Variants in BTBD8 observed in about 807,000 individuals in gnomAD.
The protein encoded by BTBD8 is BTB domain containing 8.
Under a neutral mutation model 162.9 loss-of-function variants are expected in BTBD8, and 110 were observed. The observed-to-expected ratio is 0.68, with a 90% CI of 0.58 to 0.79. BTBD8 has a LOEUF of 0.79. BTBD8 is among the 30% of genes least tolerant of loss of function. The pLI, the probability that BTBD8 is intolerant of heterozygous loss-of-function variation, is 0.00. For missense variants in BTBD8, 1,905 were observed against 2,085.4 expected, an observed-to-expected ratio of 0.91 and a Z score of 1.68; for synonymous variants, 667 against 716.1, an observed-to-expected ratio of 0.93 and a Z score of 1.10.
chr1:92,121,945 A>G (rs756461641), intron 4 of BTBD8, among the ~76,000 whole-genome samples: 11 of 151,972 alleles, frequency 7.2e-5, no homozygotes, highest in Admixed American at 7.2e-4. Flanking sequence ...AGTTGGGACT[A>G]CAGGCACACA....
intron 4 of BTBD8, among the ~76,000 whole-genome samples, chr1:92,117,086 GGA>G (rs1359305809): frequency 2.0e-5 from 3 of 151,736 alleles, no homozygotes; most frequent in African/African-American, 4.9e-5. Context: ...CTGGCAGAAG[GGA>G]ATCCTTCTGC....
At chr1:92,169,849 C>T (rs959653396) in intron 12 of BTBD8, among the ~76,000 whole-genome samples, 1 of 152,108 alleles carries the variant, frequency 6.6e-6, no homozygotes, top group South Asian at 2.1e-4. Context: ...ATAAGCATTA[C>T]ATGATAGTGT....
At chr1:92,084,370 G>A (rs1031008945) in intron 1 of BTBD8, among the ~76,000 whole-genome samples, 8 of 152,152 alleles carry the variant, frequency 5.3e-5, no homozygotes, top group Non-Finnish European at 1.0e-4. Context: ...ATGTACCTGC[G>A]TGTGTTGCGA....
At chr1:92,123,386 A>T (rs1237482503) in intron 4 of BTBD8, among the ~76,000 whole-genome samples, 2 of 152,224 alleles carry the variant, frequency 1.3e-5, no homozygotes, top group Admixed American at 1.3e-4. Context: ...GCTACTAAAA[A>T]TGCTTGATTG....
intron 7 of BTBD8, among the ~76,000 whole-genome samples, chr1:92,145,034 A>T (rs1408992002): frequency 6.6e-6 from 1 of 152,088 alleles, no homozygotes; most frequent in Non-Finnish European, 1.5e-5. Context: ...ATCTCAGCTC[A>T]CTGCAACCTC....
rs780343926 is a variant in BTBD8, at chr1:92,108,013, C to T, written c.662+12C>T. On this transcript the variant is annotated intron_variant, in intron 4 of 17. Coordinates refer to ENST00000636805, the MANE Select transcript of BTBD8 (RefSeq NM_001376131.1). Reference sequence around the variant, plus strand: ...TTTAAAGCTCACAGGTAAATAGACACGACTGATTTGCTGTCTTGGTTGTGG... The same window carrying T: ...TTTAAAGCTCACAGGTAAATAGACATGACTGATTTGCTGTCTTGGTTGTGG... 8.1e-6 allele frequency: 13 copies of T among 1,595,802 alleles called. No individual in the cohort carries two copies. The highest frequency in any genetic ancestry group is 1.7e-4 in the Middle Eastern group (1 of 6,058).
chr1:92,117,024 A>T (rs1649058312), intron 4 of BTBD8, among the ~76,000 whole-genome samples: 1 of 151,648 alleles, frequency 6.6e-6, no homozygotes, highest in African/African-American at 2.4e-5. Context: ...AATTTAAAAA[A>T]TTTTTTGTAG....
Position 92,182,472 on chromosome 1 carries a change from A to G in BTBD8, c.4789A>G (p.Ile1597Val). 6.4e-7 allele frequency: 1 copy of G among 1,551,672 alleles called. No individual in the cohort carries two copies. Among genetic ancestry groups the G allele is most frequent in the Non-Finnish European group, 8.7e-7 (1 of 1,146,868 alleles). ...TCATCAAAGAGAACCCAATTCTGAC[A>G]TACCAAAGAACAGCTCTACAAAATC... is the stretch of plus-strand genomic sequence containing the variant. ...DLHQREPNSD[I>V]PKNSSTKSLD... Residue 1597 changes from isoleucine (I) to valine (V), a missense_variant, in exon 17 of 18, where the codon ATA becomes GTA. By Grantham distance (29) the Ile-to-Val change is conservative. This residue lies in a region of BTBD8 where 517 missense variants were observed against 606.6 expected (regional missense o/e 0.85). Coordinates refer to ENST00000636805, the MANE Select transcript of BTBD8 (RefSeq NM_001376131.1).
rs1401597790 is a variant in BTBD8 at position 92,112,447 on chromosome 1, T to A, written c.662+4446T>A. Among the ~76,000 whole-genome samples, 5 of 152,282 alleles carry A rather than the reference T, an allele frequency of 3.3e-5. No homozygotes were observed. In the East Asian group the frequency reaches 9.6e-4, roughly 29 times the overall value. On this transcript the variant is annotated intron_variant, in intron 4 of 17. Transcript: ENST00000636805. ...CTAGGTATCATAGTGTATATATGTA[T>A]TGTTTTTGTGAAAATGAGGCTTATA...
At chr1:92,163,794 A>G (rs958858851) in intron 9 of BTBD8, among the ~76,000 whole-genome samples, 1 of 152,172 alleles carries the variant, frequency 6.6e-6, no homozygotes, top group Non-Finnish European at 1.5e-5. Flanking sequence ...TTTAATGTTT[A>G]TCATATATTC....
chr1:92,174,222 A>C (rs1570757881), intron 13 of BTBD8, among the ~76,000 whole-genome samples: 1 of 152,074 alleles, frequency 6.6e-6, no homozygotes, highest in Admixed American at 6.5e-5. Flanking sequence ...ACAGGGTCTC[A>C]CTCTGTCACC....
chr1:92,177,379 C>G lies in BTBD8; in HGVS notation c.2186C>G (p.Ser729Cys). 6.4e-7 allele frequency: 1 copy of G among 1,551,710 alleles called. No individual in the cohort carries two copies. The highest frequency in any genetic ancestry group is 8.7e-7 in the Non-Finnish European group (1 of 1,146,990). ...CLSIAGPSSR[S>C]TDSSMEFSIS... ...AGCATCGCAGGACCCTCCAGCAGAT[C>G]CACAGATTCAAGTATGGAATTCTCA... Residue 729 changes from serine to cysteine, a missense_variant, in exon 14 of 18, where the codon TCC (serine) becomes TGC (cysteine). By Grantham distance (112) the Ser-to-Cys change is moderately radical. This residue lies in a region of BTBD8 where 1,374 missense variants were observed against 1,442.7 expected (regional missense o/e 0.95). Transcript: ENST00000636805.
chr1:92,181,902 C>T lies in BTBD8; in HGVS notation c.4219C>T (p.Gln1407Ter). 6.4e-7 allele frequency: 1 copy of T among 1,551,444 alleles called. No homozygotes were observed. The highest frequency in any genetic ancestry group is 8.7e-7 in the Non-Finnish European group (1 of 1,146,902). The change falls in exon 17 of 18, where the codon CAG becomes TAG. Residue 1407 changes from glutamine (Q) to a stop codon, truncating the protein, a stop_gained. Transcript: ENST00000636805. LOFTEE classifies it high-confidence loss of function. ...TTTCTCTATATCTAACCCAGCTCCT[C>T]AGCAGTTTCAGGGAATAATTAATTT... ...ENFSISNPAP[Q>*]QFQGIINLAF...
intron 4 of BTBD8, among the ~76,000 whole-genome samples, chr1:92,114,006 C>T (rs1182874074): frequency 5.6e-5 from 6 of 107,574 alleles, no homozygotes; most frequent in Non-Finnish European, 9.4e-5. Flanking sequence ...AGTGAGACTC[C>T]GTCTCAAAAA....
In BTBD8 at chr1:92,102,484, C is replaced by G; in HGVS notation, c.359C>G (p.Ser120Ter). ...EFRTFLQIIYSSNRNIKNYEE... is the reference protein window; with the variant it reads ...EFRTFLQIIY Reference sequence around the variant, plus strand: ...ATTTTGTCTTTTAGGATTATATATTCATCAAACAGAAACATAAAAAACTAT... The same window carrying G: ...ATTTTGTCTTTTAGGATTATATATTGATCAAACAGAAACATAAAAAACTAT... Residue 120 changes from serine (S) to a stop codon, truncating the protein, a stop_gained, in exon 3 of 18, where the codon TCA (serine) becomes TGA (stop). Transcript: ENST00000636805. LOFTEE classifies it high-confidence loss of function. 6.7e-7 allele frequency: 1 copy of G among 1,503,036 alleles called. No individual in the cohort carries two copies. The highest frequency in any genetic ancestry group is 8.9e-7 in the Non-Finnish European group (1 of 1,120,958). 93.1% of individuals were successfully genotyped at this position (1,503,036 alleles called of 1,614,324 possible).
chr1:92,128,966 G>A (rs1380016755), intron 4 of BTBD8, among the ~76,000 whole-genome samples: 2 of 151,688 alleles, frequency 1.3e-5, no homozygotes, highest in Non-Finnish European at 2.9e-5. Flanking sequence ...TACTAAGTAT[G>A]AAGTGTAAAT....
rs1017263007 is a variant in BTBD8, at chr1:92,160,690, G to C, written c.1123-6268G>C. 2.0e-5 allele frequency among the ~76,000 whole-genome samples: 3 copies of C among 152,110 alleles called. No individual in the cohort carries two copies. In the East Asian group the frequency reaches 5.8e-4, roughly 30 times the overall value. On this transcript the variant is annotated intron_variant, in intron 9 of 17. Coordinates refer to ENST00000636805, the MANE Select transcript of BTBD8 (RefSeq NM_001376131.1). ...ACACTCCTTCCTGCCCCAAGTAGAA[G>C]GCGGGATTTGGGGCTTTTCCAGCTC...
chr1:92,182,378 C>T lies in BTBD8; in HGVS notation c.4695C>T (p.Asp1565=). 6.5e-7 allele frequency: 1 copy of T among 1,549,698 alleles called. No homozygotes were observed. Among genetic ancestry groups the T allele is most frequent in the African/African-American group, 1.4e-5 (1 of 72,992 alleles). ...KVNNGSNVEN[D]IQQRSKFLDS... is the part of the protein sequence containing the mutation. ...ACAATGGAAGCAATGTGGAAAATGA[C>T]ATTCAGCAACGCAGCAAATTCTTGG... The change falls in exon 17 of 18, where the codon GAC becomes GAT. Residue 1565 remains aspartate, a synonymous_variant. Coordinates refer to ENST00000636805, the MANE Select transcript of BTBD8 (RefSeq NM_001376131.1).
At chr1:92,156,702 C>G (rs1287413070) in intron 9 of BTBD8, among the ~76,000 whole-genome samples, 1 of 152,106 alleles carries the variant, frequency 6.6e-6, no homozygotes, top group Non-Finnish European at 1.5e-5. Context: ...TCCATTTCTT[C>G]TAGTTTACCT....
Sources: allele counts gnomAD v4.1 joint callset (sites outside exome capture counted in the v4.1 genomes callset), GRCh38; gene constraint gnomAD v4.1.1; regional missense constraint gnomAD v4.1.1; transcripts MANE v1.5; gene names NCBI Gene and HGNC (gene_info 2026-07-23, HGNC 2026-07-21).